Variants in SMARCA5 observed in about 807,000 individuals in gnomAD.
SMARCA5 encodes the protein SNF2 related chromatin remodeling ATPase 5.
In SMARCA5, 18 loss-of-function variants were observed where a neutral mutation model predicts 140.4. The observed-to-expected ratio is 0.13, with a 90% confidence interval of 0.09 to 0.19. The LOEUF (loss-of-function observed/expected upper bound fraction) is 0.19. Among genes scored for constraint, SMARCA5 ranks in the 10% least tolerant of loss-of-function variants. The pLI, the probability that SMARCA5 is intolerant of heterozygous loss-of-function variation, is 1.00. For missense variants in SMARCA5, 606 were observed against 1,276.8 expected (o/e 0.47, Z 8.01); for synonymous variants, 449 against 419.6 (o/e 1.07, Z -0.86).
At chr4:143,518,614 A>G (rs1736891439) in intron 2 of SMARCA5, among the ~76,000 whole-genome samples, 1 of 152,110 alleles carries the variant, frequency 6.6e-6, no homozygotes, top group South Asian at 2.1e-4. Flanking sequence ...TAGCTTCAAA[A>G]TCTTAAAATT....
rs530336885 is a variant in SMARCA5, at chr4:143,531,767, T to A, written c.1158+1241T>A. Among the ~76,000 whole-genome samples the A allele has an allele frequency of 3.9e-5, 6 of 152,372 alleles. No homozygotes were observed. In the South Asian group the frequency reaches 1.2e-3, roughly 32 times the overall value. On this transcript the variant is annotated intron_variant, in intron 9 of 23. Transcript: ENST00000283131. ...ATTGCTGACCCCACTGTCAGTTTTC[T>A]GTAAACATTGTGGTAATTCTAATCT...
At chr4:143,526,909 G>A (rs1430097183) in intron 6 of SMARCA5, among the ~76,000 whole-genome samples, 1 of 151,970 alleles carries the variant, frequency 6.6e-6, no homozygotes, top group Non-Finnish European at 1.5e-5. Context: ...ATGGTAGAAA[G>A]CTGTAAGACT....
Position 143,550,225 on chromosome 4 carries a change from C to CTTTTTTT in SMARCA5, c.3093+135_3093+141dup, listed in dbSNP as rs70953739. 1.6e-4 allele frequency: 34 copies of CTTTTTTT among 215,570 alleles called. 2 individuals are homozygous for CTTTTTTT. The highest frequency in any genetic ancestry group is 2.5e-4 in the African/African-American group (8 of 32,092). The allele number at this position is 215,570 out of a possible 1,614,324, so 13.4% of individuals were successfully genotyped here. ...GTTGTGCACCCCTCCATTGCCTTTA[C>CTTTTTTT]TTTTTTTTTTTTTTTTTTTTCCTTA... On this transcript the variant is annotated intron_variant, in intron 23 of 23. Coordinates refer to ENST00000283131, the MANE Select transcript of SMARCA5 (RefSeq NM_003601.4).
Position 143,555,195 on chromosome 4 carries a change from C to T in SMARCA5, c.*2011C>T, listed in dbSNP as rs1002355687. On this transcript the variant is annotated 3_prime_UTR_variant, in exon 24 of 24. Coordinates refer to ENST00000283131, the MANE Select transcript of SMARCA5 (RefSeq NM_003601.4). The stretch of plus-strand genomic sequence containing the variant: ...TATCGTGGTTTGGCAAAGTATTGGC[C>T]TCTACCACCATAGGGCCCAGAGCTT... 4.1e-6 allele frequency: 3 copies of T among 740,546 alleles called. No homozygotes were observed. The highest frequency in any genetic ancestry group is 7.3e-6 in the Non-Finnish European group (3 of 408,598). The allele number at this position is 740,546 out of a possible 1,614,324, so 45.9% of individuals were successfully genotyped here.
Position 143,548,691 on chromosome 4 carries a change from C to G in SMARCA5, c.2985+551C>G, listed in dbSNP as rs961405753. 3.3e-5 allele frequency among the ~76,000 whole-genome samples: 5 copies of G among 152,016 alleles called. No homozygotes were observed. In the East Asian group the frequency reaches 9.6e-4, roughly 29 times the overall value. Reference sequence around the variant, plus strand: ...AAAGTTTAACTTTGATGGATTGCTCCTTTTCTTCCTTATTTCACCACCATT... The same window carrying G: ...AAAGTTTAACTTTGATGGATTGCTCGTTTTCTTCCTTATTTCACCACCATT... On this transcript the variant is annotated intron_variant, in intron 22 of 23. Transcript: ENST00000283131.
intron 1 of SMARCA5, 40 bp downstream of exon 1, chr4:143,514,141 G>A (rs777425459): frequency 1.4e-6 from 2 of 1,478,366 alleles, no homozygotes; most frequent in African/African-American, 1.4e-5. Context: ...GTGCAGCGGG[G>A]AGGAGGAGCT....
intron 9 of SMARCA5, among the ~76,000 whole-genome samples, chr4:143,532,005 A>C (rs79786003): frequency 6.6e-6 from 1 of 152,204 alleles, no homozygotes; most frequent in Non-Finnish European, 1.5e-5. Flanking sequence ...AGTGTTTTCC[A>C]TACTGGATTG....
In SMARCA5 at chr4:143,543,969, A is replaced by G. The variant is rs751105331; in HGVS notation, c.2169A>G (p.Gln723=). ...AAGGAGAAGACTATAGAGAAAAACA[A>G]AAGGTAATTTAGAAATAGGTTTGGG... The part of the protein sequence containing the change: ...NFEGEDYREK[Q]KIAFTEWIEP... The change falls in exon 16 of 24, where the codon CAA becomes CAG. Residue 723 remains glutamine, a synonymous_variant. Transcript: ENST00000283131. The G allele has an allele frequency of 1.3e-6, 2 of 1,555,210 alleles. No homozygotes were observed. Among genetic ancestry groups the G allele is most frequent in the South Asian group, 1.2e-5 (1 of 80,862 alleles).
In SMARCA5 at chr4:143,554,214, G is replaced by T. The variant is rs1163694735; in HGVS notation, c.*1030G>T. 1.3e-5 allele frequency: 2 copies of T among 152,098 alleles called. No individual in the cohort carries two copies. The highest frequency in any genetic ancestry group is 2.9e-5 in the Non-Finnish European group (2 of 67,990). The allele number at this position is 152,098 out of a possible 1,614,324, so 9.4% of individuals were successfully genotyped here. On this transcript the variant is annotated 3_prime_UTR_variant, in exon 24 of 24. Coordinates refer to ENST00000283131, the MANE Select transcript of SMARCA5 (RefSeq NM_003601.4). ...CTAAAGCAGGAATACCCAAATTATA[G>T]TGTCAGGATTTTAGCTGTACCAGAG...
At chr4:143,531,522 C>T (rs1001845041) in intron 9 of SMARCA5, among the ~76,000 whole-genome samples, 1 of 152,120 alleles carries the variant, frequency 6.6e-6, no homozygotes, top group African/African-American at 2.4e-5. Flanking sequence ...GAGGGGAGAA[C>T]GTGATTGTCC....
chr4:143,530,971 A>G (rs918797724), intron 9 of SMARCA5, among the ~76,000 whole-genome samples: 4 of 152,148 alleles, frequency 2.6e-5, no homozygotes, highest in Admixed American at 1.3e-4. Context: ...TCTGGCCACC[A>G]TGCCCAGCTA....
At chr4:143,531,568 C>T (rs139038706) in intron 9 of SMARCA5, among the ~76,000 whole-genome samples, 1 of 152,152 alleles carries the variant, frequency 6.6e-6, no homozygotes, top group Non-Finnish European at 1.5e-5. Flanking sequence ...ATCCCTGATA[C>T]TTTTACTCAC....
chr4:143,514,099 G>A lies in SMARCA5; in HGVS notation c.175G>A (p.Glu59Lys). The A allele has an allele frequency of 6.5e-6, 10 of 1,543,126 alleles. No homozygotes were observed. Among genetic ancestry groups the A allele is most frequent in the Non-Finnish European group, 8.7e-6 (10 of 1,152,394 alleles). ...ASAGPADAEM[E>K]EIFDDASPGK... Reference sequence around the variant, plus strand: ...CGCTGGTCCCGCAGACGCCGAGATGGAGGTGAGGGCGACTTGCGGCATGGG... The same window carrying A: ...CGCTGGTCCCGCAGACGCCGAGATGAAGGTGAGGGCGACTTGCGGCATGGG... Residue 59 changes from glutamate to lysine, a missense_variant and splice_region_variant, in exon 1 of 24, where the codon GAG (glutamate) becomes AAG (lysine). Coordinates refer to ENST00000283131, the MANE Select transcript of SMARCA5 (RefSeq NM_003601.4).
Position 143,555,492 on chromosome 4 carries a change from G to A in SMARCA5, c.*2308G>A, listed in dbSNP as rs1343446896. 1 of 477,968 alleles carries A rather than the reference G, an allele frequency of 2.1e-6. No individual in the cohort carries two copies. Among genetic ancestry groups the A allele is most frequent in the African/African-American group, 2.0e-5 (1 of 50,710 alleles). The allele number at this position is 477,968 out of a possible 1,614,324, so 29.6% of individuals were successfully genotyped here. ...AAGCATTCCAACACAGGGTTTCAGT[G>A]TAGATTGTTTTGTTTTGTACCCATG... is the stretch of plus-strand genomic sequence containing the variant. On this transcript the variant is annotated 3_prime_UTR_variant, in exon 24 of 24. Transcript: ENST00000283131.
chr4:143,514,440 C>A (rs1329330345), intron 1 of SMARCA5: 1 of 247,278 alleles, frequency 4.0e-6, no homozygotes, highest in Non-Finnish European at 7.8e-6. Flanking sequence ...AATTCCCTCT[C>A]CTACCTCTGA....
intron 22 of SMARCA5, among the ~76,000 whole-genome samples, chr4:143,549,052 A>C (rs569424684): frequency 6.4e-4 from 98 of 152,202 alleles, no homozygotes; most frequent in Middle Eastern, 3.4e-3. Flanking sequence ...CAGTTGCTGA[A>C]AGCTTATTTC....
intron 8 of SMARCA5, among the ~76,000 whole-genome samples, chr4:143,529,844 A>G (rs1407633444): frequency 1.3e-5 from 2 of 152,142 alleles, no homozygotes; most frequent in Non-Finnish European, 2.9e-5. Flanking sequence ...GATTTTATGT[A>G]TTTTGATGTT....
In SMARCA5 at chr4:143,553,330, T is replaced by C; in HGVS notation, c.*146T>C. On this transcript the variant is annotated 3_prime_UTR_variant, in exon 24 of 24. Coordinates refer to ENST00000283131, the MANE Select transcript of SMARCA5 (RefSeq NM_003601.4). ...TTTACTGAGCTAGAAACATAGTATGTAGTTTCACTTTTTTAAATGCAACAG... is the reference window on the plus strand; with the variant it reads ...TTTACTGAGCTAGAAACATAGTATGCAGTTTCACTTTTTTAAATGCAACAG... 1.8e-6 allele frequency: 1 copy of C among 555,580 alleles called. No individual in the cohort carries two copies. Among genetic ancestry groups the C allele is most frequent in the East Asian group, 2.9e-5 (1 of 34,022 alleles). The allele number at this position is 555,580 out of a possible 1,614,324, so 34.4% of individuals were successfully genotyped here. A position where few individuals can be genotyped will look rare whatever the true frequency, so the allele number is the denominator to read the frequency against.
At chr4:143,547,871 G>C in intron 21 of SMARCA5, 57 bp from the exon 22 acceptor site, 3 of 1,060,660 alleles carry the variant, frequency 2.8e-6, no homozygotes, top group Non-Finnish European at 4.0e-6. Context: ...AGCTGAGTTT[G>C]AAATACAGAT....
Sources: allele counts gnomAD v4.1 joint callset (sites outside exome capture counted in the v4.1 genomes callset), GRCh38; gene constraint gnomAD v4.1.1; transcripts MANE v1.5; gene names NCBI Gene and HGNC (gene_info 2026-07-23, HGNC 2026-07-21).